JCAD: variants seen among roughly 807,000 people sequenced by gnomAD.
The protein encoded by JCAD is junctional cadherin 5-associated protein.
JCAD carries 40 observed loss-of-function variants against 98.0 expected under a neutral mutation model. That is an observed-to-expected ratio of 0.41 (90% CI 0.32 to 0.53). The LOEUF (loss-of-function observed/expected upper bound fraction) is 0.53. JCAD is among the 20% of genes least tolerant of loss of function. The pLI is 0.31. For missense variants in JCAD, 1,705 were observed against 1,738.1 expected (o/e 0.98, Z 0.34); for synonymous variants, 691 against 682.3 (o/e 1.01, Z -0.20).
chr10:30,064,695 GGAGT>G (rs1381387165), intron 2 of JCAD, among the ~76,000 whole-genome samples: 2 of 150,260 alleles, frequency 1.3e-5, no homozygotes, highest in Non-Finnish European at 3.0e-5. Flanking sequence ...CTTTTGAGAT[GGAGT>G]CTCGCTCTAT....
chr10:30,050,719 A>C (rs1589694520), intron 1 of JCAD, among the ~76,000 whole-genome samples: 1 of 152,216 alleles, frequency 6.6e-6, no homozygotes, highest in Non-Finnish European at 1.5e-5. Context: ...AATTATATTT[A>C]GCAAGAATAT....
upstream of JCAD, among the ~76,000 whole-genome samples, chr10:30,062,330 C>T (rs112157495): frequency 3.6e-3 from 544 of 152,212 alleles, 1 homozygote; most frequent in African/African-American, 0.013. Flanking sequence ...GTTTGGCTTC[C>T]GTCTTTCCTC....
At chr10:30,089,837 A>T (rs1018876837) in intron 1 of JCAD, among the ~76,000 whole-genome samples, 3 of 152,224 alleles carry the variant, frequency 2.0e-5, no homozygotes, top group African/African-American at 7.2e-5. Context: ...ACACACATAC[A>T]CATCAGCTCT....
At chr10:30,092,840 G>C (rs146933168) in intron 1 of JCAD, among the ~76,000 whole-genome samples, 2 of 152,184 alleles carry the variant, frequency 1.3e-5, no homozygotes, top group East Asian at 3.9e-4. Context: ...AAGGAACCTC[G>C]CTTACTGCTT....
At chr10:30,024,575 C>G (rs1385818535) in intron 3 of JCAD, among the ~76,000 whole-genome samples, 1 of 151,994 alleles carries the variant, frequency 6.6e-6, no homozygotes, top group Admixed American at 6.6e-5. Flanking sequence ...AACGGGGCCC[C>G]GACGAAGGAT....
chr10:30,046,007 A>C (rs545004024), intron 2 of JCAD, among the ~76,000 whole-genome samples: 1 of 152,320 alleles, frequency 6.6e-6, no homozygotes, highest in East Asian at 1.9e-4. Context: ...ACCTCGAACC[A>C]TGGAAGGCGA....
At chr10:30,058,736 G>A (rs1231555349) in intron 1 of JCAD, among the ~76,000 whole-genome samples, 1 of 152,110 alleles carries the variant, frequency 6.6e-6, no homozygotes, top group Non-Finnish European at 1.5e-5. Context: ...GAGACCCTAG[G>A]AGGGCGGGTT....
At chr10:30,095,666 T>A (rs1417343706) in intron 1 of JCAD, among the ~76,000 whole-genome samples, 1 of 152,254 alleles carries the variant, frequency 6.6e-6, no homozygotes, top group Non-Finnish European at 1.5e-5. Flanking sequence ...CCAGTCCTGA[T>A]CACAAGCTCC....
At chr10:30,074,949 T>A (rs1837956665) in intron 1 of JCAD, among the ~76,000 whole-genome samples, 1 of 152,140 alleles carries the variant, frequency 6.6e-6, no homozygotes, top group Non-Finnish European at 1.5e-5. Flanking sequence ...CATGCTGCCA[T>A]GTGTGGCTAA....
chr10:30,064,621 C>A (rs1159618351), intron 2 of JCAD, among the ~76,000 whole-genome samples: 1 of 151,998 alleles, frequency 6.6e-6, no homozygotes, highest in African/African-American at 2.4e-5. Context: ...AGAACTTATT[C>A]CTCCTAAATG....
At position 30,028,909 on chromosome 10, in the gene JCAD, A is replaced by C. The variant is rs7920686; in HGVS notation, c.1239T>G (p.Pro413=). 4 of 1,613,560 alleles carry C rather than the reference A, an allele frequency of 2.5e-6. No individual in the cohort carries two copies. The highest frequency in any genetic ancestry group is 1.1e-5 in the South Asian group (1 of 91,068). The change falls in exon 3 of 4, where the codon CCT becomes CCG. Residue 413 remains proline (P), a synonymous_variant. Transcript: ENST00000375377. ...GAACGAAGCCGTCATAGGCAGTGAC[A>C]GGTCGGGGATGTGCGGGGAGCCCCT... The part of the protein sequence containing the change: ...LPQGLPAHPR[P]VTAYDGFVQY...
rs1321789149 is a variant in JCAD, at chr10:30,014,326, C to T, written c.*3557G>A. The stretch of plus-strand genomic sequence containing the variant: ...ACATCCCGTCTTTTAAGCTTCATCT[C>T]CCCTGCATAAATGGGTCTGGTAGAA... On this transcript the variant is annotated 3_prime_UTR_variant, in exon 4 of 4. Transcript: ENST00000375377. 6.6e-6 allele frequency: 1 copy of T among 152,180 alleles called. No homozygotes were observed. The highest frequency in any genetic ancestry group is 1.5e-5 in the Non-Finnish European group (1 of 68,024). 9.4% of individuals were successfully genotyped at this position (152,180 alleles called of 1,614,324 possible). A position where few individuals can be genotyped will look rare whatever the true frequency, so the allele number is the denominator to read the frequency against.
At chr10:30,052,947 A>G (rs1414328748) in intron 1 of JCAD, among the ~76,000 whole-genome samples, 1 of 152,214 alleles carries the variant, frequency 6.6e-6, no homozygotes, top group Non-Finnish European at 1.5e-5. Flanking sequence ...ACAAAACATT[A>G]AGGAACTCAT....
rs199993422 is a variant in JCAD at position 30,027,834 on chromosome 10, C to A, written c.2314G>T (p.Asp772Tyr). The part of the protein sequence containing the change: ...SAFSRTSLSV[D>Y]QAPTPKAGRS... The stretch of plus-strand genomic sequence containing the variant: ...CCTGCTTTTGGCGTCGGTGCCTGGT[C>A]CACGGACAAGGAAGTCCTTGAGAAC... The change falls in exon 3 of 4, where the codon GAC becomes TAC. Residue 772 changes from aspartate (D) to tyrosine (Y), a missense_variant. Around this residue, in one of 3 missense-constraint regions of JCAD, gnomAD observed 1,278 missense variants for 1,243.1 expected, o/e 1.03. Transcript: ENST00000375377. 6 of 1,614,118 alleles carry A rather than the reference C, an allele frequency of 3.7e-6. No individual in the cohort carries two copies. Among genetic ancestry groups the A allele is most frequent in the Non-Finnish European group, 5.1e-6 (6 of 1,180,054 alleles).
At chr10:30,019,111 T>A (rs1380466948) in intron 3 of JCAD, among the ~76,000 whole-genome samples, 1 of 151,984 alleles carries the variant, frequency 6.6e-6, no homozygotes, top group Non-Finnish European at 1.5e-5. Flanking sequence ...ATCCCAGCAC[T>A]TTGGGAGGCC....
intron 1 of JCAD, among the ~76,000 whole-genome samples, chr10:30,110,562 A>G (rs117607869): frequency 6.6e-6 from 1 of 151,538 alleles, no homozygotes; most frequent in Non-Finnish European, 1.5e-5. Flanking sequence ...GGACCCGCTG[A>G]TGTATAGGCC....
rs545425764 is a variant in JCAD at position 30,080,037 on chromosome 10, C to T, written n.129-10216G>A. ...AAACTCCTATAAGATAATTTCCTTA[C>T]TGAGCTACCTGAGTTGAGTAGTTTA... On this transcript the variant is annotated intron_variant and non_coding_transcript_variant, in intron 1 of 2. Coordinates refer to the JCAD transcript ENST00000465712. Among the ~76,000 whole-genome samples, 18 of 152,242 alleles carry T rather than the reference C, an allele frequency of 1.2e-4. No individual in the cohort carries two copies. In the South Asian group the frequency reaches 2.1e-3, roughly 18 times the overall value.
chr10:30,018,177 C>T (rs891181730), intron 3 of JCAD, among the ~76,000 whole-genome samples: 2 of 152,202 alleles, frequency 1.3e-5, no homozygotes, highest in African/African-American at 4.8e-5. Flanking sequence ...GCGGCTCCTT[C>T]CTGTTCACCG....
chr10:30,096,695 T>C (rs549279201), intron 1 of JCAD, among the ~76,000 whole-genome samples: 5 of 151,726 alleles, frequency 3.3e-5, no homozygotes, highest in African/African-American at 1.2e-4. Context: ...TCTCCTGAGG[T>C]TGAAGTATAA....
Sources: allele counts gnomAD v4.1 joint callset (sites outside exome capture counted in the v4.1 genomes callset), GRCh38; gene constraint gnomAD v4.1.1; regional missense constraint gnomAD v4.1.1; transcripts MANE v1.5; gene names NCBI Gene and HGNC (gene_info 2026-07-23, HGNC 2026-07-21).